The following GNB4 variants were observed in gnomAD, a reference collection of about 807,000 sequenced individuals.
GNB4 encodes the protein guanine nucleotide-binding protein subunit beta-4.
In GNB4, 28 loss-of-function variants were observed where a neutral mutation model predicts 45.2. The ratio of observed to expected loss-of-function variants is 0.62; its 90% CI spans 0.46 to 0.85. The LOEUF (loss-of-function observed/expected upper bound fraction) is 0.85. Ranked by LOEUF, GNB4 falls within the 40% of genes least tolerant of loss-of-function variation. The pLI is 0.00. For synonymous variants in GNB4, 132 were observed against 143.7 expected, an observed-to-expected ratio of 0.92 and a Z score of 0.58; for missense variants, 321 against 425.4, an observed-to-expected ratio of 0.75 and a Z score of 2.16.
chr3:179,508,901 G>T, the GNB4 span, among the ~76,000 whole-genome samples: 6 of 117,902 alleles, frequency 5.1e-5, no homozygotes, highest in Admixed American at 2.9e-4. Flanking sequence ...TGTTAATATT[G>T]TTGGGAATCA....
chr3:179,475,602 A>G, the GNB4 span, among the ~76,000 whole-genome samples: 2 of 152,076 alleles, frequency 1.3e-5, no homozygotes, highest in African/African-American at 4.8e-5. Flanking sequence ...CCTCCTGAGT[A>G]GCTGGGACTA....
At chr3:179,523,711 T>A in the GNB4 span, among the ~76,000 whole-genome samples, 1 of 152,018 alleles carries the variant, frequency 6.6e-6, no homozygotes, top group South Asian at 2.1e-4. Context: ...TAGGTTTTAA[T>A]GGGATAGTAA....
chr3:179,501,191 TAC>T, the GNB4 span, among the ~76,000 whole-genome samples: 5 of 152,210 alleles, frequency 3.3e-5, no homozygotes, highest in African/African-American at 1.2e-4. Context: ...TCTCTTTCTT[TAC>T]AGTTACTCCC....
In GNB4 at chr3:179,401,445, AAAT is replaced by A. The variant is rs3832243; in HGVS notation, c.917-129_917-127del. On this transcript the variant is annotated intron_variant, in intron 9 of 9. Transcript: ENST00000232564. ...TTTTCTTGAAAGTTCATCAGTTAAAAAATAATAATAATTTAAAAGAAAACAACA... is the reference window on the plus strand; with the variant it reads ...TTTTCTTGAAAGTTCATCAGTTAAAAAATAATAATTTAAAAGAAAACAACA... The A allele has an allele frequency of 0.21, 92,660 of 437,044 alleles. 11,226 individuals carry two copies. The highest frequency in any genetic ancestry group is 0.39 in the East Asian group (11,157 of 28,476). The allele number at this position is 437,044 out of a possible 1,614,324, so 27.1% of individuals were successfully genotyped here. A position where few individuals can be genotyped will look rare whatever the true frequency, so the allele number is the denominator to read the frequency against.
chr3:179,463,397 G>A, the GNB4 span, among the ~76,000 whole-genome samples: 93 of 152,230 alleles, frequency 6.1e-4, no homozygotes, highest in Non-Finnish European at 1.0e-3. Context: ...ACAAGAGAGG[G>A]AAATAACTAA....
chr3:179,498,873 C>A, the GNB4 span, among the ~76,000 whole-genome samples: 1 of 151,560 alleles, frequency 6.6e-6, no homozygotes. Context: ...CCCATCAACC[C>A]GTCATCTATA....
chr3:179,498,597 G>T, the GNB4 span, among the ~76,000 whole-genome samples: 469 of 152,192 alleles, frequency 3.1e-3, 2 homozygotes, highest in African/African-American at 0.01. Context: ...ACCATGCCCA[G>T]CTAATTTTTG....
the GNB4 span, among the ~76,000 whole-genome samples, chr3:179,498,391 T>C: frequency 1.1e-4 from 17 of 152,148 alleles, no homozygotes; most frequent in African/African-American, 4.1e-4. Flanking sequence ...ACACATACCA[T>C]TGATGGGAGT....
At chr3:179,473,101 T>C in the GNB4 span, among the ~76,000 whole-genome samples, 1 of 152,142 alleles carries the variant, frequency 6.6e-6, no homozygotes, top group African/African-American at 2.4e-5. Flanking sequence ...AGGTGGAGGT[T>C]GCAGTGAGCC....
chr3:179,401,280 C>G lies in GNB4; in HGVS notation c.956G>C (p.Gly319Ala), dbSNP rs1395227388. The G allele has an allele frequency of 2.5e-6, 4 of 1,613,808 alleles. No homozygotes were observed. The highest frequency in any genetic ancestry group is 3.4e-6 in the Non-Finnish European group (4 of 1,179,908). ...AGHDNRVSCL[G>A]VTDDGMAVAT... is the part of the protein sequence containing the mutation. ...CACAGCCATGCCATCATCAGTTACA[C>G]CTAAGCAGCTCACACGGTTGTCATG... The change falls in exon 10 of 10, where the codon GGT becomes GCT. Residue 319 changes from glycine to alanine, a missense_variant. Transcript: ENST00000232564.
At chr3:179,493,874 T>A in the GNB4 span, among the ~76,000 whole-genome samples, 1 of 152,202 alleles carries the variant, frequency 6.6e-6, no homozygotes, top group Non-Finnish European at 1.5e-5. Flanking sequence ...GAAGTCTATG[T>A]AGAAAAGGAA....
chr3:179,520,187 C>T, the GNB4 span, among the ~76,000 whole-genome samples: 1 of 139,342 alleles, frequency 7.2e-6, no homozygotes, highest in Non-Finnish European at 1.5e-5. Context: ...TGACACCCAT[C>T]AGGCTCAGCA....
intron 2 of GNB4, among the ~76,000 whole-genome samples, chr3:179,421,313 C>T (rs1345760537): frequency 4.0e-5 from 6 of 151,882 alleles, no homozygotes; most frequent in African/African-American, 1.2e-4. Flanking sequence ...ATTTGAGAGA[C>T]CTCAAATTTT....
chr3:179,439,856 A>C (rs1173551144), intron 1 of GNB4, among the ~76,000 whole-genome samples: 1 of 152,260 alleles, frequency 6.6e-6, no homozygotes, highest in African/African-American at 2.4e-5. Context: ...TCCCAGGCAC[A>C]TATCCTTAAC....
the GNB4 span, among the ~76,000 whole-genome samples, chr3:179,522,477 G>A: frequency 1.5e-4 from 22 of 143,060 alleles, no homozygotes; most frequent in South Asian, 8.3e-4. Flanking sequence ...GCACGGACGC[G>A]AGTGAAAGAA....
At chr3:179,483,557 T>C in the GNB4 span, among the ~76,000 whole-genome samples, 1 of 152,134 alleles carries the variant, frequency 6.6e-6, no homozygotes, top group Non-Finnish European at 1.5e-5. Flanking sequence ...CAGCCTAATT[T>C]CATTTCCCTT....
chr3:179,493,374 G>C, the GNB4 span, among the ~76,000 whole-genome samples: 1 of 151,680 alleles, frequency 6.6e-6, no homozygotes, highest in Non-Finnish European at 1.5e-5. Context: ...ACAGAGAGAT[G>C]AAAATCATAA....
chr3:179,510,035 G>T, the GNB4 span, among the ~76,000 whole-genome samples: 1 of 151,906 alleles, frequency 6.6e-6, no homozygotes, highest in African/African-American at 2.4e-5. Context: ...TCACTATGAT[G>T]CCCAGGCTGG....
the GNB4 span, among the ~76,000 whole-genome samples, chr3:179,465,662 G>A: frequency 6.6e-6 from 1 of 152,004 alleles, no homozygotes; most frequent in East Asian, 1.9e-4. Flanking sequence ...TGTCTGGTGT[G>A]ATATGAATTT....
Sources: gnomAD v4.1 joint callset for allele counts (sites outside exome capture counted in the v4.1 genomes callset) on GRCh38, gnomAD v4.1.1 for gene constraint, MANE v1.5 for transcripts, NCBI Gene and HGNC (gene_info 2026-07-23, HGNC 2026-07-21) for gene names.